Variants in MAPK8IP3 observed in about 807,000 individuals in gnomAD.
The protein encoded by MAPK8IP3 is C-Jun-amino-terminal kinase-interacting protein 3.
In MAPK8IP3, 49 loss-of-function variants were observed where a neutral mutation model predicts 157.8. The ratio of observed to expected loss-of-function variants is 0.31; its 90% CI spans 0.25 to 0.39. The LOEUF (loss-of-function observed/expected upper bound fraction) is 0.39, where lower values mean the gene tolerates loss of function less well. MAPK8IP3 is among the 10% of genes least tolerant of loss of function. The pLI is 1.00. For missense variants in MAPK8IP3, 1,478 were observed against 1,889.4 expected, an observed-to-expected ratio of 0.78 and a Z score of 4.04; for synonymous variants, 897 against 777.7, an observed-to-expected ratio of 1.15 and a Z score of -2.55.
intron 4 of MAPK8IP3, among the ~76,000 whole-genome samples, chr16:1,736,237 CGT>C (rs1421845428): frequency 2.6e-5 from 2 of 77,148 alleles, no homozygotes; most frequent in African/African-American, 1.1e-4. Flanking sequence ...TGTAAGCATC[CGT>C]GTGAGCGTGT....
chr16:1,769,228 A>C lies in MAPK8IP3; in HGVS notation c.*404A>C. 4.4e-6 allele frequency: 1 copy of C among 225,372 alleles called. No homozygotes were observed. The allele number at this position is 225,372 out of a possible 1,614,324, so 14.0% of individuals were successfully genotyped here. A position where few individuals can be genotyped will look rare whatever the true frequency, so the allele number is the denominator to read the frequency against. ...CGCCGAGGCTGCCTGCCCTGGGCCCACCTCTGCATGCTGCTCATGGGGCCA... is the reference window on the plus strand; with the variant it reads ...CGCCGAGGCTGCCTGCCCTGGGCCCCCCTCTGCATGCTGCTCATGGGGCCA... On this transcript the variant is annotated 3_prime_UTR_variant, in exon 32 of 32. Coordinates refer to ENST00000610761, the MANE Select transcript of MAPK8IP3 (RefSeq NM_001318852.2).
Position 1,767,209 on chromosome 16 carries a change from T to C in MAPK8IP3, c.3149T>C (p.Ile1050Thr). ...GACCTGGGCCACCCGCACCACTCCA[T>C]CCGCTGCATGGCTGTTGTGTACGAC... ...LMDLGHPHHS[I>T]RCMAVVYDRV... Residue 1050 changes from isoleucine (I) to threonine (T), a missense_variant, in exon 26 of 32, where the codon ATC becomes ACC. Ile to Thr is a moderately conservative substitution (Grantham distance 89). Transcript: ENST00000610761. The C allele has an allele frequency of 1.2e-6, 2 of 1,613,420 alleles. No individual in the cohort carries two copies. The highest frequency in any genetic ancestry group is 1.7e-6 in the Non-Finnish European group (2 of 1,180,008).
chr16:1,762,237 G>A (rs1596779148), intron 13 of MAPK8IP3, 114 bp from the exon 14 acceptor site: 1 of 1,365,204 alleles, frequency 7.3e-7, no homozygotes, highest in Non-Finnish European at 9.7e-7. Flanking sequence ...CTTGCCTGAG[G>A]ATCTGAAGGA....
intron 16 of MAPK8IP3, 107 bp downstream of exon 16, chr16:1,763,113 C>G (rs117134693): frequency 1.4e-6 from 2 of 1,446,148 alleles, no homozygotes; most frequent in Non-Finnish European, 1.9e-6. Flanking sequence ...GGGCAGCCTC[C>G]ACCTTGCTGG....
Position 1,766,535 on chromosome 16 carries a change from C to A in MAPK8IP3, c.2826C>A (p.Asn942Lys), listed in dbSNP as rs200230215. The part of the protein sequence containing the change: ...PSSGPQPGSE[N>K]GPEPDSSSTR... Reference sequence around the variant, plus strand: ...GCCACCGTTCTTCCTGCAGCGAGAACGGGCCAGAGCCTGACAGCAGCAGCA... The same window carrying A: ...GCCACCGTTCTTCCTGCAGCGAGAAAGGGCCAGAGCCTGACAGCAGCAGCA... Residue 942 changes from asparagine (N) to lysine (K), a missense_variant, in exon 23 of 32, where the codon AAC becomes AAA. Physicochemically the swap from Asn to Lys is moderately conservative, Grantham distance 94. Transcript: ENST00000610761. 3.8e-4 allele frequency: 606 copies of A among 1,611,580 alleles called. 4 individuals are homozygous for A. In the African/African-American group the frequency reaches 6.9e-3, roughly 18 times the overall value.
chr16:1,720,894 C>T (rs140278983), intron 1 of MAPK8IP3, among the ~76,000 whole-genome samples: 1 of 152,008 alleles, frequency 6.6e-6, no homozygotes, highest in African/African-American at 2.4e-5. Context: ...ATTAGCTGGG[C>T]GTGGTGGTGG....
chr16:1,769,062 GC>G lies in MAPK8IP3; in HGVS notation c.*239del. On this transcript the variant is annotated 3_prime_UTR_variant, in exon 32 of 32. Coordinates refer to ENST00000610761, the MANE Select transcript of MAPK8IP3 (RefSeq NM_001318852.2). ...AGATGCTCTCGGGACAGTTTCCCGG[GC>G]AGCTCCTGGCCAGCTTCCAGCCCAG... 1 of 560,352 alleles carries G rather than the reference GC, an allele frequency of 1.8e-6. No homozygotes were observed. The highest frequency in any genetic ancestry group is 3.1e-5 in the Admixed American group (1 of 31,882). 34.7% of individuals were successfully genotyped at this position (560,352 alleles called of 1,614,324 possible). A position where few individuals can be genotyped will look rare whatever the true frequency, so the allele number is the denominator to read the frequency against.
intron 1 of MAPK8IP3, among the ~76,000 whole-genome samples, chr16:1,708,206 C>G (rs1044990890): frequency 7.2e-5 from 11 of 152,212 alleles, no homozygotes; most frequent in African/African-American, 2.7e-4. Flanking sequence ...GTCACCCACC[C>G]CAGAAGTGCC....
intron 4 of MAPK8IP3, among the ~76,000 whole-genome samples, chr16:1,739,138 GTCCGTGTGTGTGACCA>G (rs2040394668): frequency 1.6e-5 from 2 of 123,944 alleles, no homozygotes; most frequent in Admixed American, 1.7e-4. Flanking sequence ...GCGTGTGACC[GTCCGTGTGTGTGACCA>G]TCCGTGTGAG....
At chr16:1,738,153 T>C in intron 4 of MAPK8IP3, among the ~76,000 whole-genome samples, 1 of 96,436 alleles carries the variant, frequency 1.0e-5, no homozygotes, top group African/African-American at 4.7e-5. Flanking sequence ...ACCATCCATG[T>C]GAGCATCTGT....
chr16:1,760,561 G>A, intron 12 of MAPK8IP3, 29 bp downstream of exon 12: 1 of 1,597,462 alleles, frequency 6.3e-7, no homozygotes, highest in Non-Finnish European at 8.6e-7. Context: ...AAGCTGGTCA[G>A]AGAGGGACCC....
rs1259224815 is a variant in MAPK8IP3, at chr16:1,766,064, G to A, written c.2551G>A (p.Gly851Ser). The change falls in exon 21 of 32, where the codon GGC becomes AGC. Residue 851 changes from glycine to serine, a missense_variant. Around this residue, in one of 11 missense-constraint regions of MAPK8IP3, gnomAD observed 669 missense variants for 759.8 expected, o/e 0.88. Transcript: ENST00000610761. ...DGVLAGITLV[G>S]CATRCNVPRS... is the part of the protein sequence containing the mutation. ...CGTGCTGGCCGGTATCACCCTGGTG[G>A]GCTGTGCCACCCGCTGCAACGTGCC... 1 of 1,612,840 alleles carries A rather than the reference G, an allele frequency of 6.2e-7. No individual in the cohort carries two copies. The highest frequency in any genetic ancestry group is 8.5e-7 in the Non-Finnish European group (1 of 1,179,944).
chr16:1,713,344 G>A (rs1325216829), intron 1 of MAPK8IP3, among the ~76,000 whole-genome samples: 3 of 152,124 alleles, frequency 2.0e-5, no homozygotes, highest in Non-Finnish European at 2.9e-5. Flanking sequence ...TCAGCCTCCC[G>A]AATAGCTGGG....
At chr16:1,728,502 T>G (rs1341980730) in intron 2 of MAPK8IP3, among the ~76,000 whole-genome samples, 5 of 152,216 alleles carry the variant, frequency 3.3e-5, no homozygotes, top group African/African-American at 1.2e-4. Flanking sequence ...AGAGCGCCTG[T>G]GGGTTTCCCC....
Position 1,768,299 on chromosome 16 carries a change from C to A in MAPK8IP3, c.3663C>A (p.Ile1221=). The change falls in exon 30 of 32, where the codon ATC becomes ATA. Residue 1221 remains isoleucine (I), a synonymous_variant. Transcript: ENST00000610761. ...DSSDRAASSF[I]PYCSMAQAQL... Reference sequence around the variant, plus strand: ...GTGACAGGGCGGCCAGCAGCTTCATCCCCTACTGCTCCATGGCCCAGGCCC... The same window carrying A: ...GTGACAGGGCGGCCAGCAGCTTCATACCCTACTGCTCCATGGCCCAGGCCC... 1 of 1,610,520 alleles carries A rather than the reference C, an allele frequency of 6.2e-7. No homozygotes were observed. The highest frequency in any genetic ancestry group is 8.5e-7 in the Non-Finnish European group (1 of 1,180,000).
At chr16:1,736,191 CGTGT>C (rs1174700460) in intron 4 of MAPK8IP3, among the ~76,000 whole-genome samples, 1 of 95,952 alleles carries the variant, frequency 1.0e-5, no homozygotes, top group Non-Finnish European at 2.0e-5. Context: ...TGTGACCGTC[CGTGT>C]GAGCATGTGT....
chr16:1,745,068 CGTT>C, intron 5 of MAPK8IP3: 2 of 985,376 alleles, frequency 2.0e-6, no homozygotes, highest in Non-Finnish European at 2.4e-6. Flanking sequence ...CACTGCTACA[CGTT>C]GATGTTTAGG....
chr16:1,741,961 C>T lies in MAPK8IP3; in HGVS notation c.603-1371C>T, dbSNP rs997688519. 1.5e-4 allele frequency among the ~76,000 whole-genome samples: 23 copies of T among 152,156 alleles called. No individual in the cohort carries two copies. The highest frequency in any genetic ancestry group is 1.9e-4 in the East Asian group (1 of 5,182). On this transcript the variant is annotated intron_variant, in intron 4 of 31. Coordinates refer to ENST00000610761, the MANE Select transcript of MAPK8IP3 (RefSeq NM_001318852.2). The surrounding 1 kb of genome is among the most constrained non-coding windows in gnomAD (Gnocchi z 6.9). Reference sequence around the variant, plus strand: ...AGGTAGCGGAGCTCCTGGTCAGCGGCGGCTGCTGCGTTCCCCTGTCGCCGT... The same window carrying T: ...AGGTAGCGGAGCTCCTGGTCAGCGGTGGCTGCTGCGTTCCCCTGTCGCCGT...
rs1458741246 is a variant in MAPK8IP3 at position 1,739,840 on chromosome 16, GTGTGAGCATCCGTGTGACCGTGTGAGCC to G, written c.603-3470_603-3443del. 1.4e-3 allele frequency among the ~76,000 whole-genome samples: 179 copies of G among 130,422 alleles called. 1 individual carries two copies. Among genetic ancestry groups the G allele is most frequent in the Non-Finnish European group, 2.3e-3 (143 of 62,046 alleles). 85.6% of individuals were successfully genotyped at this position (130,422 alleles called of 152,430 possible). A position where few individuals can be genotyped will look rare whatever the true frequency, so the allele number is the denominator to read the frequency against. ...CGTGTGAGCATCCGTGTGACCGTCCGTGTGAGCATCCGTGTGACCGTGTGAGCCTGTGAGCATCCGTGTGACCGTCCGT... is the reference window on the plus strand; with the variant it reads ...CGTGTGAGCATCCGTGTGACCGTCCGTGTGAGCATCCGTGTGACCGTCCGT... On this transcript the variant is annotated intron_variant, in intron 4 of 31. Transcript: ENST00000610761.
Sources: gnomAD v4.1 joint callset for allele counts (sites outside exome capture counted in the v4.1 genomes callset) on GRCh38, gnomAD v4.1.1 for gene constraint, gnomAD v4.1.1 regional missense constraint, Gnocchi (gnomAD v3.1) non-coding constraint, MANE v1.5 for transcripts, NCBI Gene and HGNC (gene_info 2026-07-23, HGNC 2026-07-21) for gene names.